The following STOX2 variants were observed in gnomAD, a reference collection of about 807,000 sequenced individuals.
The protein encoded by STOX2 is storkhead-box protein 2.
STOX2 carries 28 observed loss-of-function variants against 60.9 expected under a neutral mutation model. The ratio of observed to expected loss-of-function variants is 0.46; its 90% CI spans 0.34 to 0.63. The LOEUF (loss-of-function observed/expected upper bound fraction) is 0.63, where lower values mean the gene tolerates loss of function less well. STOX2 is among the 30% of genes least tolerant of loss of function. The probability of loss-of-function intolerance (pLI) is 0.01; values close to 1 mark genes in which losing one functional copy is unlikely to be tolerated. For missense variants in STOX2, 1,024 were observed against 1,187.7 expected (o/e 0.86, Z 2.03); for synonymous variants, 472 against 463.9 (o/e 1.02, Z -0.22).
At chr4:183,975,523 A>T (rs1304389362) in intron 1 of STOX2, among the ~76,000 whole-genome samples, 1 of 152,150 alleles carries the variant, frequency 6.6e-6, no homozygotes, top group African/African-American at 2.4e-5. Flanking sequence ...AAAATATAAT[A>T]AGCAAACACC....
In STOX2 at chr4:183,955,097, A is replaced by G. The variant is rs1433277236; in HGVS notation, c.167-46228A>G. Among the ~76,000 whole-genome samples the G allele has an allele frequency of 2.0e-5, 3 of 152,290 alleles. No individual in the cohort carries two copies. In the East Asian group the frequency reaches 5.8e-4, roughly 29 times the overall value. ...TATCTAATTTCTAAATGTGCTTGTA[A>G]TGCTTTATCTTGGTTTATTACTTTG... On this transcript the variant is annotated intron_variant, in intron 1 of 3. Coordinates refer to ENST00000308497, the MANE Select transcript of STOX2 (RefSeq NM_020225.3).
rs1210016712 is a variant in STOX2 at position 183,946,592 on chromosome 4, C to A, written c.166+39636C>A. Among the ~76,000 whole-genome samples, 4 of 151,352 alleles carry A rather than the reference C, an allele frequency of 2.6e-5. No homozygotes were observed. In the Admixed American group the frequency reaches 2.6e-4, roughly 10 times the overall value. On this transcript the variant is annotated intron_variant, in intron 1 of 3. Transcript: ENST00000308497. ...ATGGACTTTTTTTCTTGTTGTTATT[C>A]CCTAAATAACGTAACAACTATTTAC...
At chr4:183,868,179 A>C (rs920088498) in intron 1 of STOX2, among the ~76,000 whole-genome samples, 17 of 152,184 alleles carry the variant, frequency 1.1e-4, no homozygotes, top group Admixed American at 1.3e-4. Flanking sequence ...AGTTCAGTGG[A>C]TCATAGAAAC....
At chr4:183,818,953 CG>C (rs1434542915) in intron 1 of STOX2, among the ~76,000 whole-genome samples, 1 of 151,992 alleles carries the variant, frequency 6.6e-6, no homozygotes, top group East Asian at 1.9e-4. Context: ...GACTGGGCAG[CG>C]GGGCAGAGGG....
Position 183,983,389 on chromosome 4 carries a change from C to T in STOX2, c.167-17936C>T, listed in dbSNP as rs1463709489. ...TAGGAGCGGTACTCATTCATCGTTA[C>T]TGTGACCTCAGCCACATGCTAGGAT... is the stretch of plus-strand genomic sequence containing the variant. On this transcript the variant is annotated intron_variant, in intron 1 of 3. Coordinates refer to ENST00000308497, the MANE Select transcript of STOX2 (RefSeq NM_020225.3). Among the ~76,000 whole-genome samples the T allele has an allele frequency of 3.9e-5, 6 of 152,250 alleles. No homozygotes were observed. The East Asian group carries it at 9.6e-4, about 24-fold the overall frequency.
intron 1 of STOX2, among the ~76,000 whole-genome samples, chr4:183,931,160 A>C (rs564844210): frequency 4.6e-5 from 7 of 152,300 alleles, no homozygotes; most frequent in Non-Finnish European, 8.8e-5. Context: ...ACGGTGGCTC[A>C]CACCTGTAAT....
chr4:183,880,797 A>G (rs1406859388), intron 1 of STOX2, among the ~76,000 whole-genome samples: 1 of 152,200 alleles, frequency 6.6e-6, no homozygotes, highest in African/African-American at 2.4e-5. Flanking sequence ...TTAGCATTTT[A>G]CCTTGGACAG....
intron 1 of STOX2, among the ~76,000 whole-genome samples, chr4:183,875,390 C>T (rs1264567993): frequency 6.6e-6 from 1 of 152,122 alleles, no homozygotes; most frequent in African/African-American, 2.4e-5. Flanking sequence ...GTTTTCTGTT[C>T]CTTATTGATA....
rs1561096647 is a variant in STOX2 at position 183,798,915 on chromosome 4, ATT to A, written c.364+861_364+862del. ...GTTTTATACTTTGAGTTTTTGTACT[ATT>A]ACATAGTAAATAGTAAAGCTTTAGG... On this transcript the variant is annotated intron_variant, in intron 1 of 2. Transcript: ENST00000513034. 7 of 646,590 alleles carry A rather than the reference ATT, an allele frequency of 1.1e-5. No homozygotes were observed. The African/African-American group carries it at 1.2e-4, about 11-fold the overall frequency. 40.1% of individuals were successfully genotyped at this position (646,590 alleles called of 1,614,324 possible). A position where few individuals can be genotyped will look rare whatever the true frequency, so the allele number is the denominator to read the frequency against.
intron 1 of STOX2, among the ~76,000 whole-genome samples, chr4:183,814,867 G>A (rs1290805281): frequency 6.6e-6 from 1 of 152,128 alleles, no homozygotes; most frequent in Non-Finnish European, 1.5e-5. Flanking sequence ...AGTGATTTTA[G>A]TCTTTTTTCT....
chr4:183,841,179 G>GTATCTATTTATTTATTTATTTATT (rs146024028), intron 1 of STOX2, among the ~76,000 whole-genome samples: 1 of 147,920 alleles, frequency 6.8e-6, no homozygotes, highest in Non-Finnish European at 1.5e-5. Flanking sequence ...TTTCATCGTA[G>GTATCTATTTATTTATTTATTTATT]TATTTATTTA....
chr4:183,976,215 G>A (rs530790132), intron 1 of STOX2, among the ~76,000 whole-genome samples: 2 of 152,330 alleles, frequency 1.3e-5, no homozygotes, highest in East Asian at 3.9e-4. Context: ...AGGAGGCTGA[G>A]GCAGGAGAAT....
At chr4:184,004,587 G>A (rs7670377) in intron 2 of STOX2, among the ~76,000 whole-genome samples, 54,090 of 150,692 alleles carry the variant, frequency 0.36, 11,057 homozygotes, top group South Asian at 0.48. Context: ...GCGACAGAGC[G>A]AGACTCCGTT....
At chr4:183,866,408 T>G (rs1740568821) in intron 1 of STOX2, among the ~76,000 whole-genome samples, 1 of 152,164 alleles carries the variant, frequency 6.6e-6, no homozygotes, top group Admixed American at 6.5e-5. Flanking sequence ...CATCTTAAGA[T>G]CCTGTTTCTC....
chr4:183,974,125 T>C (rs1366119382), intron 1 of STOX2, among the ~76,000 whole-genome samples: 1 of 152,160 alleles, frequency 6.6e-6, no homozygotes, highest in Admixed American at 6.5e-5. Flanking sequence ...GATGGTAAGA[T>C]TTACCACTTG....
In STOX2 at chr4:183,960,095, C is replaced by T. The variant is rs533377771; in HGVS notation, c.167-41230C>T. Among the ~76,000 whole-genome samples the T allele has an allele frequency of 2.0e-5, 3 of 152,312 alleles. No individual in the cohort carries two copies. In the East Asian group the frequency reaches 5.8e-4, roughly 29 times the overall value. On this transcript the variant is annotated intron_variant, in intron 1 of 3. Coordinates refer to ENST00000308497, the MANE Select transcript of STOX2 (RefSeq NM_020225.3). ...TAATATAACAAGCCTCCGTGAGCAG[C>T]TGGGATGTGTTGTCATGACGACAAG... is the stretch of plus-strand genomic sequence containing the variant.
intron 1 of STOX2, among the ~76,000 whole-genome samples, chr4:183,951,382 A>C (rs538350642): frequency 1.3e-5 from 2 of 150,146 alleles, no homozygotes; most frequent in South Asian, 4.2e-4. Context: ...AGGGAAGTCC[A>C]TGTTGCTGCC....
intron 1 of STOX2, among the ~76,000 whole-genome samples, chr4:183,824,266 A>G (rs1422958583): frequency 6.6e-6 from 1 of 152,246 alleles, no homozygotes; most frequent in Non-Finnish European, 1.5e-5. Flanking sequence ...TTTCTGGGTC[A>G]TAAAGCTAAT....
At chr4:183,970,627 G>T (rs34759863) in intron 1 of STOX2, among the ~76,000 whole-genome samples, 51,997 of 152,088 alleles carry the variant, frequency 0.34, 10,575 homozygotes, top group East Asian at 0.56. Context: ...CCCGCTCTCA[G>T]CTAGAGGCAT....
Sources: allele counts gnomAD v4.1 joint callset (sites outside exome capture counted in the v4.1 genomes callset), GRCh38; gene constraint gnomAD v4.1.1; transcripts MANE v1.5; gene names NCBI Gene and HGNC (gene_info 2026-07-23, HGNC 2026-07-21).